DNAH11: variants seen among roughly 807,000 people sequenced by gnomAD.
DNAH11 encodes axonemal beta dynein heavy chain 11.
A neutral mutation model predicts 526.0 loss-of-function variants in DNAH11; 442 were observed. That is an observed-to-expected ratio of 0.84 (90% confidence interval 0.78 to 0.91). DNAH11 has a LOEUF of 0.91. Ranked by LOEUF, DNAH11 falls within the 40% of genes least tolerant of loss-of-function variation. The probability of loss-of-function intolerance (pLI) is 0.00; values close to 1 mark genes in which losing one functional copy is unlikely to be tolerated. For missense variants in DNAH11, 6,989 were observed against 5,448.7 expected (o/e 1.28, Z -8.90); for synonymous variants, 2,461 against 1,935.9 (o/e 1.27, Z -7.12).
chr7:21,585,434 A>T (rs1402016525), intron 9 of DNAH11, among the ~76,000 whole-genome samples: 1 of 152,166 alleles, frequency 6.6e-6, no homozygotes, highest in East Asian at 1.9e-4. Flanking sequence ...TGGGAAAAAA[A>T]TATTTATAGA....
intron 62 of DNAH11, among the ~76,000 whole-genome samples, chr7:21,806,629 G>A (rs926639599): frequency 1.3e-5 from 2 of 152,140 alleles, no homozygotes; most frequent in African/African-American, 4.8e-5. Flanking sequence ...CTTTCATGGG[G>A]AAAGCAAAAT....
At chr7:21,803,129 A>G (rs938144096) in intron 62 of DNAH11, among the ~76,000 whole-genome samples, 15 of 152,282 alleles carry the variant, frequency 9.9e-5, no homozygotes, top group Middle Eastern at 3.4e-3. Context: ...TAAAAAGTGT[A>G]TAATTGCATT....
intron 65 of DNAH11, 28 bp downstream of exon 65, chr7:21,818,367 A>G (rs1187747577): frequency 1.0e-5 from 16 of 1,595,000 alleles, no homozygotes; most frequent in Admixed American, 1.8e-5. Flanking sequence ...TTTAACATAT[A>G]TATCTTGCTA....
At position 21,557,570 on chromosome 7, in the gene DNAH11, G is replaced by A. The variant is rs141237803; in HGVS notation, c.496-1232G>A. Among the ~76,000 whole-genome samples, 1,359 of 152,120 alleles carry A rather than the reference G, an allele frequency of 8.9e-3. 19 individuals carry two copies. Among genetic ancestry groups the A allele is most frequent in the African/African-American group, 0.03 (1,247 of 41,484 alleles). On this transcript the variant is annotated intron_variant, in intron 2 of 81. Transcript: ENST00000409508. ...TAATCCCATTCATGAGGACTCAGCCGTCATGACAAATACACCTCCCAAACA... is the reference window on the plus strand; with the variant it reads ...TAATCCCATTCATGAGGACTCAGCCATCATGACAAATACACCTCCCAAACA...
In DNAH11 at chr7:21,880,691, T is replaced by C. The variant is rs1310256394; in HGVS notation, c.12196-11T>C. 1 of 1,613,194 alleles carries C rather than the reference T, an allele frequency of 6.2e-7. No homozygotes were observed. Among genetic ancestry groups the C allele is most frequent in the Non-Finnish European group, 8.5e-7 (1 of 1,179,712 alleles). On this transcript the variant is annotated splice_polypyrimidine_tract_variant and intron_variant, in intron 74 of 81. Coordinates refer to ENST00000409508, the MANE Select transcript of DNAH11 (RefSeq NM_001277115.2). ...GATGGATAATCAAGCATTTCTTCTC[T>C]TTTTTCCCAGGATACACTTGAAATA...
intron 69 of DNAH11, among the ~76,000 whole-genome samples, chr7:21,864,020 C>G (rs1206791498): frequency 1.3e-5 from 2 of 152,132 alleles, no homozygotes; most frequent in Non-Finnish European, 2.9e-5. Context: ...AAAGTTTATT[C>G]CACTTCACAA....
chr7:21,578,870 C>T (rs1325330134), intron 8 of DNAH11, among the ~76,000 whole-genome samples: 6 of 152,168 alleles, frequency 3.9e-5, no homozygotes, highest in African/African-American at 1.4e-4. Flanking sequence ...TAAACCCCTG[C>T]CTGTCCCTCC....
intron 45 of DNAH11, among the ~76,000 whole-genome samples, chr7:21,732,404 C>T (rs1785421133): frequency 6.6e-6 from 1 of 152,144 alleles, no homozygotes; most frequent in Non-Finnish European, 1.5e-5. Context: ...GCCCGTGTCT[C>T]CAAATACAGT....
intron 2 of DNAH11, among the ~76,000 whole-genome samples, chr7:21,550,281 C>G (rs1743123120): frequency 6.6e-6 from 1 of 152,086 alleles, no homozygotes; most frequent in South Asian, 2.1e-4. Flanking sequence ...CTTTCCAAGT[C>G]TGGCTCAGCA....
chr7:21,809,690 A>G (rs902131348), intron 63 of DNAH11, among the ~76,000 whole-genome samples: 2 of 151,854 alleles, frequency 1.3e-5, no homozygotes, highest in Non-Finnish European at 2.9e-5. Flanking sequence ...CAGCCTCCCA[A>G]GTAGCTGGGA....
chr7:21,709,222 C>G (rs565622334), intron 40 of DNAH11, among the ~76,000 whole-genome samples: 4 of 152,144 alleles, frequency 2.6e-5, no homozygotes, highest in Non-Finnish European at 1.5e-5. Flanking sequence ...TACATATACA[C>G]CATGGAATAC....
At chr7:21,860,435 C>G (rs1292972715) in intron 68 of DNAH11, among the ~76,000 whole-genome samples, 1 of 152,138 alleles carries the variant, frequency 6.6e-6, no homozygotes, top group Non-Finnish European at 1.5e-5. Flanking sequence ...CAAGCAATTC[C>G]ACTTCTAGCT....
At chr7:21,789,815 TCTTTC>T (rs1562547249) in intron 61 of DNAH11, among the ~76,000 whole-genome samples, 85 of 78,528 alleles carry the variant, frequency 1.1e-3, no homozygotes, top group African/African-American at 3.3e-3. Context: ...CTTTTTTCTT[TCTTTC>T]TTTCTTTCTT....
chr7:21,649,009 T>C (rs529491629), intron 28 of DNAH11, among the ~76,000 whole-genome samples: 1 of 152,334 alleles, frequency 6.6e-6, no homozygotes, highest in African/African-American at 2.4e-5. Context: ...GTATTCATTT[T>C]CCCTTCTCTT....
At chr7:21,872,847 A>T (rs1361403735) in intron 73 of DNAH11, among the ~76,000 whole-genome samples, 5 of 152,160 alleles carry the variant, frequency 3.3e-5, no homozygotes, top group Non-Finnish European at 5.9e-5. Context: ...TCCATCAGAA[A>T]CCAATGAAGA....
chr7:21,859,493 A>G (rs1782975196), intron 68 of DNAH11, among the ~76,000 whole-genome samples: 1 of 152,232 alleles, frequency 6.6e-6, no homozygotes, highest in African/African-American at 2.4e-5. Context: ...AACATCTGAA[A>G]AAATCCAAAA....
chr7:21,840,688 C>G (rs1021259532), intron 65 of DNAH11, among the ~76,000 whole-genome samples: 14 of 151,844 alleles, frequency 9.2e-5, no homozygotes, highest in African/African-American at 2.7e-4. Context: ...CTCATGTACC[C>G]CATAAATACA....
At chr7:21,862,466 C>G (rs1783103002) in intron 69 of DNAH11, among the ~76,000 whole-genome samples, 1 of 151,926 alleles carries the variant, frequency 6.6e-6, no homozygotes, top group Non-Finnish European at 1.5e-5. Context: ...TTCCTTTTTT[C>G]ATTGTGTGTA....
Position 21,831,414 on chromosome 7 carries a change from C to T in DNAH11, c.10692-11130C>T, listed in dbSNP as rs529513423. 4.6e-5 allele frequency among the ~76,000 whole-genome samples: 7 copies of T among 152,226 alleles called. No homozygotes were observed. The East Asian group carries it at 9.7e-4, about 21-fold the overall frequency. ...AATTAACCAAAAATTAATTTAGCAG[C>T]AATGATAAAACCCACTGAGTCATTA... On this transcript the variant is annotated intron_variant, in intron 65 of 81. Coordinates refer to ENST00000409508, the MANE Select transcript of DNAH11 (RefSeq NM_001277115.2).
Sources: allele counts gnomAD v4.1 joint callset (sites outside exome capture counted in the v4.1 genomes callset), GRCh38; gene constraint gnomAD v4.1.1; transcripts MANE v1.5; gene names NCBI Gene and HGNC (gene_info 2026-07-23, HGNC 2026-07-21).